CDH18: variants seen among roughly 807,000 people sequenced by gnomAD.
CDH18 encodes cadherin-18.
Under a neutral mutation model 67.9 loss-of-function variants are expected in CDH18, and 31 were observed. The ratio of observed to expected loss-of-function variants is 0.46; its 90% CI spans 0.34 to 0.62. The LOEUF is 0.62. CDH18 is among the 20% of genes least tolerant of loss of function. CDH18 has a pLI of 0.01. For missense variants in CDH18, 890 were observed against 975.5 expected (o/e 0.91, Z 1.17); for synonymous variants, 362 against 347.2 (o/e 1.04, Z -0.48).
chr5:20,012,835 T>C (rs919853372), intron 2 of CDH18, among the ~76,000 whole-genome samples: 7 of 151,974 alleles, frequency 4.6e-5, no homozygotes, highest in South Asian at 4.1e-4. Context: ...TTCTCACTTG[T>C]AAGTGGGAAC....
intron 1 of CDH18, among the ~76,000 whole-genome samples, chr5:20,447,492 T>A (rs1405417571): frequency 1.3e-5 from 2 of 152,160 alleles, no homozygotes; most frequent in East Asian, 3.8e-4. Context: ...GAAGTTGTCA[T>A]CTTGGAAGCA....
chr5:19,974,297 C>T (rs1377354958), intron 2 of CDH18, among the ~76,000 whole-genome samples: 5 of 151,646 alleles, frequency 3.3e-5, no homozygotes, highest in African/African-American at 4.8e-5. Context: ...TTTGGGAGGC[C>T]GAGGCGGGCA....
In CDH18 at chr5:20,121,649, G is replaced by GT. The variant is rs113464427; in HGVS notation, c.-517-129636dup. ...ACTTTAAAAAACATGAAAAGCTATA[G>GT]TTTTCTCTTCCTGTTACATGAGGCT... On this transcript the variant is annotated intron_variant, in intron 2 of 14. Transcript: ENST00000507958. 2.2e-3 allele frequency among the ~76,000 whole-genome samples: 341 copies of GT among 152,202 alleles called. 2 individuals are homozygous for GT. Among genetic ancestry groups the GT allele is most frequent in the African/African-American group, 7.7e-3 (319 of 41,542 alleles).
chr5:20,283,200 G>A (rs112330916), intron 1 of CDH18, among the ~76,000 whole-genome samples: 52 of 152,178 alleles, frequency 3.4e-4, no homozygotes, highest in African/African-American at 1.3e-3. Context: ...GGACTGGGTA[G>A]ATTTATTGAG....
At chr5:19,741,976 G>A (rs1297312708) in intron 4 of CDH18, among the ~76,000 whole-genome samples, 14 of 152,146 alleles carry the variant, frequency 9.2e-5, no homozygotes, top group African/African-American at 2.6e-4. Flanking sequence ...TGAAAAACTC[G>A]TTCCTAGAAG....
At chr5:20,436,814 C>A (rs1301438388) in intron 1 of CDH18, among the ~76,000 whole-genome samples, 12 of 137,330 alleles carry the variant, frequency 8.7e-5, no homozygotes, top group South Asian at 2.3e-4. Flanking sequence ...AACTAAAAAA[C>A]CAAAAAAAAA....
chr5:20,058,583 A>C (rs1309299118), intron 2 of CDH18, among the ~76,000 whole-genome samples: 1 of 152,182 alleles, frequency 6.6e-6, no homozygotes, highest in African/African-American at 2.4e-5. Context: ...ATCATTCTAC[A>C]GTACTATACT....
At chr5:19,949,142 C>T (rs1242593250) in intron 2 of CDH18, among the ~76,000 whole-genome samples, 1 of 152,086 alleles carries the variant, frequency 6.6e-6, no homozygotes, top group African/African-American at 2.4e-5. Context: ...GATGTTTCTT[C>T]TCTGGGCGCA....
At chr5:19,926,828 C>T (rs1240654247) in intron 2 of CDH18, among the ~76,000 whole-genome samples, 11 of 151,724 alleles carry the variant, frequency 7.3e-5, no homozygotes, top group Admixed American at 3.9e-4. Flanking sequence ...AGAAATAAAA[C>T]GTATCTATAT....
chr5:19,647,070 GTC>G (rs1754860629), intron 5 of CDH18, among the ~76,000 whole-genome samples: 1 of 152,104 alleles, frequency 6.6e-6, no homozygotes, highest in Admixed American at 6.5e-5. Context: ...AAACTCACCA[GTC>G]TGGGAAAGAA....
At chr5:19,750,188 A>G (rs1445929101) in intron 3 of CDH18, among the ~76,000 whole-genome samples, 2 of 152,066 alleles carry the variant, frequency 1.3e-5, no homozygotes, top group Admixed American at 6.6e-5. Flanking sequence ...AGTTTATATG[A>G]TTATGATGAT....
intron 2 of CDH18, among the ~76,000 whole-genome samples, chr5:20,223,559 G>C (rs10472393): frequency 6.6e-6 from 1 of 151,708 alleles, no homozygotes; most frequent in African/African-American, 2.4e-5. Flanking sequence ...TTTGGGAGGC[G>C]CCAGGGGGCA....
At chr5:20,312,481 A>G (rs910095971) in intron 1 of CDH18, among the ~76,000 whole-genome samples, 20 of 152,148 alleles carry the variant, frequency 1.3e-4, no homozygotes, top group African/African-American at 4.6e-4. Context: ...GGTTCTCGGC[A>G]TTTGGATGAA....
At chr5:20,554,164 T>A (rs1380791423) in intron 1 of CDH18, among the ~76,000 whole-genome samples, 2 of 152,184 alleles carry the variant, frequency 1.3e-5, no homozygotes, top group Non-Finnish European at 2.9e-5. Flanking sequence ...GTATTTTAGA[T>A]GGTATGAGTC....
intron 2 of CDH18, among the ~76,000 whole-genome samples, chr5:19,997,399 C>T (rs905215420): frequency 4.6e-5 from 7 of 152,134 alleles, no homozygotes; most frequent in African/African-American, 1.7e-4. Flanking sequence ...AGCAGACTTA[C>T]TATAGAACTC....
intron 2 of CDH18, among the ~76,000 whole-genome samples, chr5:19,864,471 A>G (rs1483963887): frequency 4.6e-5 from 7 of 151,936 alleles, no homozygotes; most frequent in Non-Finnish European, 8.8e-5. Context: ...TGGCACATGT[A>G]TACATATGTA....
intron 1 of CDH18, among the ~76,000 whole-genome samples, chr5:20,366,524 C>A (rs1230409626): frequency 6.6e-6 from 1 of 152,186 alleles, no homozygotes; most frequent in African/African-American, 2.4e-5. Context: ...CTGTGACAAG[C>A]CACCATGGTG....
chr5:20,238,065 T>A (rs974134053), intron 2 of CDH18, among the ~76,000 whole-genome samples: 2 of 152,076 alleles, frequency 1.3e-5, no homozygotes, highest in African/African-American at 4.8e-5. Context: ...TGGTAATCAT[T>A]GTAACAAACA....
intron 2 of CDH18, among the ~76,000 whole-genome samples, chr5:20,243,789 T>C (rs1743167859): frequency 6.6e-6 from 1 of 152,150 alleles, no homozygotes; most frequent in Non-Finnish European, 1.5e-5. Context: ...TTTATCATTG[T>C]AGCCTAGACT....
Sources: allele counts gnomAD v4.1 joint callset (sites outside exome capture counted in the v4.1 genomes callset), GRCh38; gene constraint gnomAD v4.1.1; transcripts MANE v1.5; gene names NCBI Gene and HGNC (gene_info 2026-07-23, HGNC 2026-07-21).